Variants in BMPER observed in about 807,000 individuals in gnomAD.
BMPER encodes BMP-binding endothelial regulator protein.
A neutral mutation model predicts 87.3 loss-of-function variants in BMPER; 45 were observed. That is an observed-to-expected ratio of 0.52 (90% CI 0.41 to 0.66). BMPER has a LOEUF of 0.66. BMPER is among the 30% of genes least tolerant of loss of function. BMPER has a pLI of 0.00. For missense variants in BMPER, 784 were observed against 867.5 expected (o/e 0.90, Z 1.21); for synonymous variants, 326 against 316.2 (o/e 1.03, Z -0.33).
chr7:33,940,057 C>A, intron 3 of BMPER: 1 of 220,808 alleles, frequency 4.5e-6, no homozygotes, highest in Admixed American at 4.7e-5. Flanking sequence ...GTAACTTATG[C>A]TCATAGGAGA....
chr7:34,028,633 T>TTTG (rs1787439585), intron 6 of BMPER, among the ~76,000 whole-genome samples: 1 of 129,876 alleles, frequency 7.7e-6, no homozygotes, highest in Non-Finnish European at 1.6e-5. Flanking sequence ...TTTTTTTTTT[T>TTTG]GTAGCATTAC....
chr7:33,967,486 T>A (rs1412979135), intron 4 of BMPER, among the ~76,000 whole-genome samples: 1 of 152,246 alleles, frequency 6.6e-6, no homozygotes, highest in Admixed American at 6.5e-5. Flanking sequence ...ATAGGTATGC[T>A]CATTCATAAG....
chr7:34,027,536 G>A (rs1787388118), intron 6 of BMPER, among the ~76,000 whole-genome samples: 1 of 152,054 alleles, frequency 6.6e-6, no homozygotes, highest in Non-Finnish European at 1.5e-5. Flanking sequence ...GAAATTCAGT[G>A]AATATCTAGA....
At chr7:34,112,777 A>G (rs1228523658) in intron 13 of BMPER, among the ~76,000 whole-genome samples, 2 of 151,758 alleles carry the variant, frequency 1.3e-5, no homozygotes, top group Admixed American at 6.6e-5. Context: ...TTAAATACCT[A>G]TTAGAACTTA....
upstream of BMPER, chr7:33,905,518 C>A (rs1208062536): frequency 5.2e-6 from 8 of 1,544,050 alleles, no homozygotes; most frequent in East Asian, 2.4e-5. Context: ...TCTCCCGACA[C>A]GCCGGCTGAG....
chr7:33,987,722 A>G (rs1786049744), intron 6 of BMPER, among the ~76,000 whole-genome samples: 1 of 152,110 alleles, frequency 6.6e-6, no homozygotes, highest in Non-Finnish European at 1.5e-5. Flanking sequence ...TGTGATACAC[A>G]GAGTCAGACA....
intron 3 of BMPER, among the ~76,000 whole-genome samples, chr7:33,948,154 A>G (rs999545241): frequency 6.6e-6 from 1 of 152,130 alleles, no homozygotes; most frequent in Non-Finnish European, 1.5e-5. Flanking sequence ...GACATGGCCA[A>G]ATTCTCTGGT....
At chr7:33,990,388 G>C (rs1303538635) in intron 6 of BMPER, among the ~76,000 whole-genome samples, 16 of 138,406 alleles carry the variant, frequency 1.2e-4, no homozygotes, top group Non-Finnish European at 6.3e-5. Flanking sequence ...TTGTGAATGG[G>C]AGTTCACTCA....
chr7:34,027,384 G>A (rs2127949227), intron 6 of BMPER, among the ~76,000 whole-genome samples: 1 of 152,116 alleles, frequency 6.6e-6, no homozygotes, highest in East Asian at 1.9e-4. Flanking sequence ...TGTACTTTCA[G>A]TAGCAAAGAG....
chr7:34,059,027 G>GA (rs71554121), intron 10 of BMPER, among the ~76,000 whole-genome samples: 41,306 of 137,724 alleles, frequency 0.3, 5,942 homozygotes, highest in African/African-American at 0.35. Flanking sequence ...AGGAAAAAAA[G>GA]AAAAAAAAAA....
intron 4 of BMPER, 124 bp downstream of exon 4, chr7:33,966,685 A>C: frequency 2.3e-6 from 2 of 865,180 alleles, no homozygotes; most frequent in Non-Finnish European, 3.7e-6. Flanking sequence ...AACAATGAAA[A>C]AGCAACTGTA....
chr7:34,131,547 A>G (rs993463351), intron 13 of BMPER, among the ~76,000 whole-genome samples: 3 of 152,158 alleles, frequency 2.0e-5, no homozygotes, highest in Non-Finnish European at 4.4e-5. Context: ...CCTAATGTGA[A>G]AAAGGCCTAT....
intron 6 of BMPER, among the ~76,000 whole-genome samples, chr7:34,008,867 G>A (rs1199262781): frequency 6.6e-6 from 1 of 151,720 alleles, no homozygotes; most frequent in Non-Finnish European, 1.5e-5. Context: ...TTTTGAGACA[G>A]GTCTCACTCT....
chr7:34,141,374 C>T (rs1790864133), intron 13 of BMPER, among the ~76,000 whole-genome samples: 1 of 151,910 alleles, frequency 6.6e-6, no homozygotes, highest in Admixed American at 6.6e-5. Context: ...CTTTGGGAGG[C>T]CGAGGTGGGT....
At chr7:33,977,648 A>G (rs1223992232) in intron 6 of BMPER, among the ~76,000 whole-genome samples, 2 of 152,110 alleles carry the variant, frequency 1.3e-5, no homozygotes, top group Admixed American at 1.3e-4. Context: ...AAATAGAAAG[A>G]TATATATAGA....
intron 2 of BMPER, among the ~76,000 whole-genome samples, chr7:33,928,200 G>A (rs1447295727): frequency 1.3e-5 from 2 of 152,170 alleles, no homozygotes; most frequent in Admixed American, 6.5e-5. Flanking sequence ...AAGGCAGGAC[G>A]CCACCATGAA....
At chr7:34,003,192 CAT>C (rs768833059) in intron 6 of BMPER, among the ~76,000 whole-genome samples, 2 of 151,494 alleles carry the variant, frequency 1.3e-5, no homozygotes, top group Non-Finnish European at 1.5e-5. Context: ...CACACACACA[CAT>C]ATATACACAC....
intron 12 of BMPER, among the ~76,000 whole-genome samples, chr7:34,081,037 T>G (rs1318524232): frequency 6.6e-6 from 1 of 152,182 alleles, no homozygotes; most frequent in Non-Finnish European, 1.5e-5. Flanking sequence ...GCAAGTAATT[T>G]TCATGGAACT....
intron 3 of BMPER, among the ~76,000 whole-genome samples, chr7:33,942,237 A>G (rs1784788043): frequency 6.6e-6 from 1 of 152,202 alleles, no homozygotes; most frequent in Non-Finnish European, 1.5e-5. Context: ...AGCAGTTAGA[A>G]TGCAGATTCC....
Sources: gnomAD v4.1 joint callset for allele counts (sites outside exome capture counted in the v4.1 genomes callset) on GRCh38, gnomAD v4.1.1 for gene constraint, MANE v1.5 for transcripts, NCBI Gene and HGNC (gene_info 2026-07-23, HGNC 2026-07-21) for gene names.